The following TBC1D30 variants were observed in gnomAD, a reference collection of about 807,000 sequenced individuals.
The protein encoded by TBC1D30 is TBC1 domain family, member 30.
TBC1D30 carries 31 observed loss-of-function variants against 63.2 expected under a neutral mutation model. The observed-to-expected ratio is 0.49, with a 90% CI of 0.37 to 0.66. TBC1D30 has a LOEUF of 0.66. Ranked by LOEUF, TBC1D30 falls within the 30% of genes least tolerant of loss-of-function variation. The probability of loss-of-function intolerance (pLI) is 0.00; values close to 1 mark genes in which losing one functional copy is unlikely to be tolerated. For missense variants in TBC1D30, 810 were observed against 953.6 expected, an observed-to-expected ratio of 0.85 and a Z score of 1.98; for synonymous variants, 307 against 361.5, an observed-to-expected ratio of 0.85 and a Z score of 1.71.
intron 2 of TBC1D30, among the ~76,000 whole-genome samples, chr12:64,818,217 A>G (rs981452718): frequency 6.6e-6 from 1 of 152,172 alleles, no homozygotes; most frequent in African/African-American, 2.4e-5. Flanking sequence ...AAAGAGCTGA[A>G]TAGCACAACT....
intron 2 of TBC1D30, among the ~76,000 whole-genome samples, chr12:64,816,035 C>CTTT (rs11338586): frequency 2.8e-5 from 4 of 143,420 alleles, no homozygotes; most frequent in African/African-American, 1.0e-4. Flanking sequence ...GTTCAGAATA[C>CTTT]TTTTTTTTTT....
At chr12:64,835,671 T>C (rs1312111757) in intron 5 of TBC1D30, among the ~76,000 whole-genome samples, 1 of 152,122 alleles carries the variant, frequency 6.6e-6, no homozygotes, top group Non-Finnish European at 1.5e-5. Context: ...TTCAATACTA[T>C]TATAACTCTG....
intron 1 of TBC1D30, among the ~76,000 whole-genome samples, chr12:64,763,296 A>ATT (rs751538460): frequency 6.6e-5 from 10 of 152,136 alleles, no homozygotes; most frequent in Non-Finnish European, 1.0e-4. Flanking sequence ...AAATTTGAAT[A>ATT]TTTTTCAATG....
At chr12:64,785,147 C>CTTTTTTTTTTTTTTTTTTTTT (rs3033154) in intron 1 of TBC1D30, among the ~76,000 whole-genome samples, 5 of 134,844 alleles carry the variant, frequency 3.7e-5, no homozygotes, top group Non-Finnish European at 4.7e-5. Context: ...ACTTTAAAGA[C>CTTTTTTTTTTTTTTTTTTTTT]TTTTTTTTTT....
chr12:64,764,006 T>C (rs956410926), intron 1 of TBC1D30, among the ~76,000 whole-genome samples: 11 of 152,350 alleles, frequency 7.2e-5, no homozygotes, highest in Middle Eastern at 6.8e-3. Flanking sequence ...GATGACTGAT[T>C]ATAAATGCTG....
chr12:64,859,356 C>G (rs1877587311), intron 8 of TBC1D30, among the ~76,000 whole-genome samples: 1 of 152,144 alleles, frequency 6.6e-6, no homozygotes, highest in South Asian at 2.1e-4. Context: ...TGCTGGAGTT[C>G]TAAGGCTTCT....
chr12:64,848,910 A>G (rs1876628161), intron 8 of TBC1D30, among the ~76,000 whole-genome samples: 1 of 152,132 alleles, frequency 6.6e-6, no homozygotes. Flanking sequence ...AAGCATTCCT[A>G]TTTCTCCACA....
intron 11 of TBC1D30, among the ~76,000 whole-genome samples, chr12:64,871,725 G>A (rs1878672547): frequency 6.6e-6 from 1 of 152,198 alleles, no homozygotes; most frequent in African/African-American, 2.4e-5. Flanking sequence ...AATCTATGAG[G>A]AAGGCAAGGA....
intron 8 of TBC1D30, among the ~76,000 whole-genome samples, chr12:64,850,084 G>T (rs1448038015): frequency 6.6e-6 from 1 of 152,114 alleles, no homozygotes; most frequent in Admixed American, 6.5e-5. Context: ...GTCTGTTACT[G>T]GTGTAGAGGA....
At chr12:64,810,487 C>T (rs1405204241) in intron 2 of TBC1D30, among the ~76,000 whole-genome samples, 1 of 152,166 alleles carries the variant, frequency 6.6e-6, no homozygotes, top group Non-Finnish European at 1.5e-5. Context: ...CCTGTAATCC[C>T]AGCTACTCAG....
At chr12:64,785,931 A>G (rs1469400067) in exon 2 of TBC1D30, 1 of 1,289,888 alleles carries the variant, frequency 7.8e-7, no homozygotes, top group South Asian at 1.2e-5. Context: ...CAGAATTGGC[A>G]TCCAGTCGGC....
At chr12:64,791,828 C>T (rs1206827594) in intron 2 of TBC1D30, among the ~76,000 whole-genome samples, 1 of 152,096 alleles carries the variant, frequency 6.6e-6, no homozygotes, top group Non-Finnish European at 1.5e-5. Flanking sequence ...AAGTGATCCT[C>T]CTGCTTCAGC....
intron 1 of TBC1D30, among the ~76,000 whole-genome samples, chr12:64,766,620 C>G (rs1290761337): frequency 1.3e-5 from 2 of 152,090 alleles, no homozygotes; most frequent in African/African-American, 4.8e-5. Flanking sequence ...ACTCCACTTT[C>G]AATAATGGAT....
intron 11 of TBC1D30, among the ~76,000 whole-genome samples, chr12:64,871,649 T>C (rs565615379): frequency 4.5e-4 from 69 of 152,360 alleles, no homozygotes; most frequent in African/African-American, 1.6e-3. Flanking sequence ...ACAAAATAAC[T>C]GAACAATTTC....
intron 5 of TBC1D30, among the ~76,000 whole-genome samples, chr12:64,832,720 A>C (rs1874977706): frequency 6.6e-6 from 1 of 152,270 alleles, no homozygotes; most frequent in Admixed American, 6.5e-5. Flanking sequence ...CTGAAGGCTC[A>C]ATTGGGGGTG....
intron 5 of TBC1D30, among the ~76,000 whole-genome samples, chr12:64,833,296 CAT>C (rs1875034076): frequency 1.3e-5 from 2 of 152,186 alleles, no homozygotes; most frequent in East Asian, 1.9e-4. Context: ...ATTTTAAAAA[CAT>C]GTTGAGATGG....
At chr12:64,798,898 C>T (rs532211707) in intron 2 of TBC1D30, among the ~76,000 whole-genome samples, 2 of 151,146 alleles carry the variant, frequency 1.3e-5, no homozygotes, top group Non-Finnish European at 2.9e-5. Context: ...CTGCAAGCTC[C>T]GCCTCCCTGG....
intron 10 of TBC1D30, among the ~76,000 whole-genome samples, chr12:64,867,646 A>G (rs947024776): frequency 1.3e-5 from 2 of 152,180 alleles, no homozygotes; most frequent in Non-Finnish European, 2.9e-5. Context: ...ACCCTGGCAT[A>G]TAGTAGATGC....
At chr12:64,863,816 C>G (rs1260371048) in intron 8 of TBC1D30, among the ~76,000 whole-genome samples, 1 of 152,146 alleles carries the variant, frequency 6.6e-6, no homozygotes, top group Non-Finnish European at 1.5e-5. Context: ...TAAAAAATAC[C>G]TTTTTAAAAT....
Sources: gnomAD v4.1 joint callset for allele counts (sites outside exome capture counted in the v4.1 genomes callset) on GRCh38, gnomAD v4.1.1 for gene constraint, MANE v1.5 for transcripts, NCBI Gene and HGNC (gene_info 2026-07-23, HGNC 2026-07-21) for gene names.